C1QTNF3: variants seen among roughly 807,000 people sequenced by gnomAD.
The protein encoded by C1QTNF3 is C1q and TNF related 3, also known as complement C1q tumor necrosis factor-related protein 3.
Under a neutral mutation model 32.6 loss-of-function variants are expected in C1QTNF3, and 26 were observed. The observed-to-expected ratio is 0.80, with a 90% CI of 0.58 to 1.11. C1QTNF3 has a LOEUF of 1.11. Among genes scored for constraint, C1QTNF3 ranks in the 50% least tolerant of loss-of-function variants. The pLI is 0.00. For synonymous variants in C1QTNF3, 155 were observed against 146.0 expected (o/e 1.06, Z -0.44); for missense variants, 362 against 398.2 (o/e 0.91, Z 0.77).
chr5:34,111,094 A>ATACTTTC, the C1QTNF3 span, among the ~76,000 whole-genome samples: 153 of 152,136 alleles, frequency 1.0e-3, no homozygotes, highest in Middle Eastern at 0.01. Flanking sequence ...ATGGCTCTTG[A>ATACTTTC]AAGTATAAAA....
the C1QTNF3 span, among the ~76,000 whole-genome samples, chr5:34,136,310 A>G: frequency 7.2e-5 from 11 of 152,370 alleles, no homozygotes; most frequent in African/African-American, 2.6e-4. Flanking sequence ...CAAGAAAAAA[A>G]CAAACAACCC....
At chr5:34,176,563 TA>T in the C1QTNF3 span, among the ~76,000 whole-genome samples, 2 of 152,166 alleles carry the variant, frequency 1.3e-5, no homozygotes, top group African/African-American at 4.8e-5. Flanking sequence ...GATACAGTCT[TA>T]AGGCTGAACT....
chr5:34,146,499 C>T, the C1QTNF3 span, among the ~76,000 whole-genome samples: 7 of 151,990 alleles, frequency 4.6e-5, no homozygotes, highest in Non-Finnish European at 8.8e-5. Flanking sequence ...ACAAAAAACC[C>T]GGAAATAAAG....
chr5:34,054,398 G>A, the C1QTNF3 span, among the ~76,000 whole-genome samples: 1 of 152,310 alleles, frequency 6.6e-6, no homozygotes, highest in Admixed American at 6.5e-5. Flanking sequence ...AGACTTTTCT[G>A]TAAAGGGCTG....
the C1QTNF3 span, among the ~76,000 whole-genome samples, chr5:34,197,878 T>C: frequency 6.6e-6 from 1 of 152,060 alleles, no homozygotes; most frequent in Admixed American, 6.5e-5. Flanking sequence ...AGTTCATAGA[T>C]TACTGTCCTC....
the C1QTNF3 span, among the ~76,000 whole-genome samples, chr5:34,050,644 T>C: frequency 1.3e-5 from 2 of 152,158 alleles, no homozygotes; most frequent in South Asian, 2.1e-4. Context: ...GATGTTATCA[T>C]ACCTCACTTG....
chr5:34,021,810 C>T (rs1487306784), intron 5 of C1QTNF3, among the ~76,000 whole-genome samples: 1 of 152,154 alleles, frequency 6.6e-6, no homozygotes, highest in African/African-American at 2.4e-5. Flanking sequence ...AAATAACTAA[C>T]ACATGCAGGG....
the C1QTNF3 span, among the ~76,000 whole-genome samples, chr5:34,109,850 G>A: frequency 6.6e-6 from 1 of 152,288 alleles, no homozygotes; most frequent in African/African-American, 2.4e-5. Context: ...CTTAGCAAGG[G>A]CTGTTGAATG....
intron 1 of C1QTNF3, among the ~76,000 whole-genome samples, chr5:34,038,643 A>G (rs1754798286): frequency 6.6e-6 from 1 of 152,158 alleles, no homozygotes; most frequent in Non-Finnish European, 1.5e-5. Context: ...TCATCAAATA[A>G]CCAGGAAAGA....
chr5:34,153,853 T>TAATAAAAAAAA, the C1QTNF3 span, among the ~76,000 whole-genome samples: 1 of 32,934 alleles, frequency 3.0e-5, no homozygotes, highest in African/African-American at 9.3e-5. Context: ...ACTTAGAGTA[T>TAATAAAAAAAA]AAAAAAAAAA....
the C1QTNF3 span, among the ~76,000 whole-genome samples, chr5:34,188,574 G>A: frequency 6.6e-6 from 1 of 152,312 alleles, no homozygotes; most frequent in South Asian, 2.1e-4. Context: ...TTGCCTGCTG[G>A]GTTTTGGACT....
At chr5:34,152,656 AGAAAGCT>A in the C1QTNF3 span, among the ~76,000 whole-genome samples, 1 of 5,432 alleles carries the variant, frequency 1.8e-4, no homozygotes, top group Non-Finnish European at 3.0e-4. Flanking sequence ...AGCCATATGG[AGAAAGCT>A]GAAACTGGAT....
Position 34,038,721 on chromosome 5 carries a change from C to T in C1QTNF3, c.304-2963G>A, listed in dbSNP as rs565747287. On this transcript the variant is annotated intron_variant, in intron 1 of 5. Transcript: ENST00000382065. ...CTCAGACAGGCTTTTTTTCTATTTCCTGAGGGAAGCTAGGAGCCATAATCT... is the reference window on the plus strand; with the variant it reads ...CTCAGACAGGCTTTTTTTCTATTTCTTGAGGGAAGCTAGGAGCCATAATCT... Among the ~76,000 whole-genome samples the T allele has an allele frequency of 2.6e-5, 4 of 152,188 alleles. No individual in the cohort carries two copies. The South Asian group carries it at 8.3e-4, about 32-fold the overall frequency.
the C1QTNF3 span, among the ~76,000 whole-genome samples, chr5:34,212,785 G>A: frequency 6.7e-6 from 1 of 149,724 alleles, no homozygotes; most frequent in African/African-American, 2.5e-5. Flanking sequence ...GGAGAAATAG[G>A]AACACTTTTA....
chr5:34,203,644 C>A, the C1QTNF3 span, among the ~76,000 whole-genome samples: 1 of 151,054 alleles, frequency 6.6e-6, no homozygotes, highest in Admixed American at 6.6e-5. Flanking sequence ...CAAGATTGCG[C>A]CACTGCACTC....
At chr5:34,174,506 GTTCA>G in the C1QTNF3 span, among the ~76,000 whole-genome samples, 1 of 152,062 alleles carries the variant, frequency 6.6e-6, no homozygotes. Flanking sequence ...ACCTCATCAT[GTTCA>G]TTCATTCATC....
chr5:34,115,188 T>A, the C1QTNF3 span, among the ~76,000 whole-genome samples: 1 of 152,150 alleles, frequency 6.6e-6, no homozygotes, highest in Non-Finnish European at 1.5e-5. Flanking sequence ...AGCTCTGTGT[T>A]TGTTGGAAAT....
chr5:34,239,703 C>T, the C1QTNF3 span, among the ~76,000 whole-genome samples: 2 of 152,168 alleles, frequency 1.3e-5, no homozygotes, highest in Admixed American at 6.5e-5. Context: ...GACTTCAACA[C>T]CCCCGCTGGC....
At chr5:34,064,120 T>G in the C1QTNF3 span, among the ~76,000 whole-genome samples, 1 of 152,112 alleles carries the variant, frequency 6.6e-6, no homozygotes, top group South Asian at 2.1e-4. Context: ...AGAAAGCCCT[T>G]CCCCAGACAG....
Sources: allele counts gnomAD v4.1 joint callset (sites outside exome capture counted in the v4.1 genomes callset), GRCh38; gene constraint gnomAD v4.1.1; transcripts MANE v1.5; gene names NCBI Gene and HGNC (gene_info 2026-07-23, HGNC 2026-07-21).